The following ABTB3 variants were observed in gnomAD, a reference collection of about 807,000 sequenced individuals.
The protein encoded by ABTB3 is ankyrin repeat and BTB domain containing 3, also known as ankyrin repeat- and BTB/POZ domain-containing protein 3.
At chr12:107,447,470 T>C in the ABTB3 span, among the ~76,000 whole-genome samples, 15 of 152,146 alleles carry the variant, frequency 9.9e-5, no homozygotes, top group Non-Finnish European at 2.1e-4. Flanking sequence ...CCTGTCCCCC[T>C]TCCAGCCCTG....
the ABTB3 span, among the ~76,000 whole-genome samples, chr12:107,606,040 A>G: frequency 2.6e-5 from 4 of 152,302 alleles, no homozygotes; most frequent in African/African-American, 9.6e-5. Context: ...TCTGAGAGCC[A>G]TCCATAGCTG....
chr12:107,415,131 C>T, the ABTB3 span, among the ~76,000 whole-genome samples: 1 of 152,140 alleles, frequency 6.6e-6, no homozygotes, highest in Non-Finnish European at 1.5e-5. Context: ...TTATCATGCT[C>T]ATCCTCCTGT....
chr12:107,617,365 C>T, the ABTB3 span: 71 of 1,614,032 alleles, frequency 4.4e-5, 2 homozygotes, highest in South Asian at 6.5e-4. Context: ...GAACCATGTA[C>T]AGGAATGGAA....
the ABTB3 span, among the ~76,000 whole-genome samples, chr12:107,448,851 G>A: frequency 0.018 from 2,764 of 152,280 alleles, 37 homozygotes; most frequent in Non-Finnish European, 0.021. Context: ...GATTATGGGC[G>A]TGAGCCACCA....
the ABTB3 span, among the ~76,000 whole-genome samples, chr12:107,334,645 T>A: frequency 6.6e-6 from 1 of 151,774 alleles, no homozygotes; most frequent in South Asian, 2.1e-4. Context: ...GAGAGGATGG[T>A]TTGGAGATAA....
At chr12:107,655,746 T>C in the ABTB3 span, among the ~76,000 whole-genome samples, 1 of 152,188 alleles carries the variant, frequency 6.6e-6, no homozygotes, top group Non-Finnish European at 1.5e-5. Context: ...GCCAGCTCTT[T>C]TTTCCTAGTA....
chr12:107,422,925 A>G, the ABTB3 span, among the ~76,000 whole-genome samples: 1 of 152,160 alleles, frequency 6.6e-6, no homozygotes, highest in Non-Finnish European at 1.5e-5. Flanking sequence ...AGCTGACACA[A>G]AGCTTATGGA....
At chr12:107,348,541 A>T in the ABTB3 span, among the ~76,000 whole-genome samples, 1 of 152,156 alleles carries the variant, frequency 6.6e-6, no homozygotes, top group Non-Finnish European at 1.5e-5. Flanking sequence ...TGGGCAACAT[A>T]GTGAGACCCT....
At chr12:107,441,754 A>G in the ABTB3 span, among the ~76,000 whole-genome samples, 9 of 140,896 alleles carry the variant, frequency 6.4e-5, no homozygotes, top group Non-Finnish European at 1.4e-4. Flanking sequence ...CCTGGGCAAT[A>G]TAGTGAGAAC....
the ABTB3 span, among the ~76,000 whole-genome samples, chr12:107,579,570 T>A: frequency 9.5e-3 from 1,444 of 152,258 alleles, 9 homozygotes; most frequent in Non-Finnish European, 0.016. Context: ...ATTGGATAAA[T>A]AGATCTGACT....
chr12:107,435,443 A>G, the ABTB3 span, among the ~76,000 whole-genome samples: 1 of 152,216 alleles, frequency 6.6e-6, no homozygotes, highest in Non-Finnish European at 1.5e-5. Context: ...ATATTTTGAA[A>G]TGATCTTTAT....
chr12:107,536,534 C>T, the ABTB3 span, among the ~76,000 whole-genome samples: 3 of 150,452 alleles, frequency 2.0e-5, no homozygotes, highest in Non-Finnish European at 4.4e-5. Flanking sequence ...AACTCAACCT[C>T]AAAGAGAAAA....
At chr12:107,652,936 A>G in the ABTB3 span, among the ~76,000 whole-genome samples, 4 of 152,034 alleles carry the variant, frequency 2.6e-5, no homozygotes, top group African/African-American at 4.8e-5. Flanking sequence ...TTTGAGATGG[A>G]GTTTCACTCT....
the ABTB3 span, among the ~76,000 whole-genome samples, chr12:107,538,658 C>T: frequency 6.6e-6 from 1 of 152,190 alleles, no homozygotes; most frequent in Non-Finnish European, 1.5e-5. Context: ...CAGGCTCTTC[C>T]TGCTTGGTGA....
chr12:107,320,148 C>T, the ABTB3 span: 2 of 1,356,144 alleles, frequency 1.5e-6, no homozygotes, highest in Non-Finnish European at 9.6e-7. Flanking sequence ...GCCTCGCGTC[C>T]CCCTCCCGCG....
At chr12:107,564,515 G>A in the ABTB3 span, among the ~76,000 whole-genome samples, 1 of 152,142 alleles carries the variant, frequency 6.6e-6, no homozygotes, top group African/African-American at 2.4e-5. Context: ...TTGGAACCTT[G>A]GGTTCATTGG....
the ABTB3 span, among the ~76,000 whole-genome samples, chr12:107,579,178 A>C: frequency 6.6e-6 from 1 of 152,212 alleles, no homozygotes; most frequent in Non-Finnish European, 1.5e-5. Context: ...GGATTTTTAA[A>C]GGGCTTGAAG....
At chr12:107,404,622 C>T in the ABTB3 span, among the ~76,000 whole-genome samples, 2,638 of 152,266 alleles carry the variant, frequency 0.017, 75 homozygotes, top group African/African-American at 0.059. Context: ...TTGGCTCTCC[C>T]GGGACTTCCT....
chr12:107,583,828 G>A, the ABTB3 span, among the ~76,000 whole-genome samples: 4 of 152,134 alleles, frequency 2.6e-5, no homozygotes, highest in Non-Finnish European at 4.4e-5. Context: ...AGAGGAAGTC[G>A]GTTCCTCTGA....
Sources: allele counts gnomAD v4.1 joint callset (sites outside exome capture counted in the v4.1 genomes callset), GRCh38; gene constraint gnomAD v4.1.1; transcripts MANE v1.5; gene names NCBI Gene and HGNC (gene_info 2026-07-23, HGNC 2026-07-21).